DSCAM: variants seen among roughly 807,000 people sequenced by gnomAD.
The protein encoded by DSCAM is DS cell adhesion molecule.
A neutral mutation model predicts 217.7 loss-of-function variants in DSCAM; 47 were observed. The ratio of observed to expected loss-of-function variants is 0.22; its 90% CI spans 0.17 to 0.28. The LOEUF is 0.28. Ranked by LOEUF, DSCAM falls within the 10% of genes least tolerant of loss-of-function variation. The probability of loss-of-function intolerance (pLI) is 1.00; values close to 1 mark genes in which losing one functional copy is unlikely to be tolerated. For missense variants in DSCAM, 2,080 were observed against 2,618.3 expected (o/e 0.79, Z 4.49); for synonymous variants, 1,056 against 1,015.3 (o/e 1.04, Z -0.76).
chr21:40,780,443 A>ATATATATATATATC (rs1157668991), intron 1 of DSCAM, among the ~76,000 whole-genome samples: 1 of 143,544 alleles, frequency 7.0e-6, no homozygotes, highest in South Asian at 2.3e-4. Context: ...ATATATATAT[A>ATATATATATATATC]TATATCTCCT....
Position 40,347,657 on chromosome 21 carries a change from G to T in DSCAM, c.1210+13C>A, listed in dbSNP as rs1216101945. ...TTCTTTTTCAGCCATACCCTGAAAC[G>T]AGGCCCACTGACCTTCAAGGACCAC... On this transcript the variant is annotated intron_variant, in intron 6 of 32. Transcript: ENST00000400454. The T allele has an allele frequency of 6.2e-7, 1 of 1,612,866 alleles. No homozygotes were observed. Among genetic ancestry groups the T allele is most frequent in the Non-Finnish European group, 8.5e-7 (1 of 1,179,658 alleles).
intron 3 of DSCAM, among the ~76,000 whole-genome samples, chr21:40,393,440 A>G (rs578078477): frequency 1.1e-3 from 169 of 152,342 alleles, no homozygotes; most frequent in Non-Finnish European, 2.2e-3. Flanking sequence ...CTAGAAAGCC[A>G]CTTTACTAAA....
At chr21:40,286,586 TTTTA>T (rs1274443414) in intron 10 of DSCAM, among the ~76,000 whole-genome samples, 1 of 152,246 alleles carries the variant, frequency 6.6e-6, no homozygotes, top group Non-Finnish European at 1.5e-5. Flanking sequence ...CAAAAGAGAA[TTTTA>T]TTTAAGCAAA....
intron 4 of DSCAM, among the ~76,000 whole-genome samples, chr21:40,366,169 GT>G (rs1252829868): frequency 4.6e-5 from 7 of 152,188 alleles, no homozygotes; most frequent in Admixed American, 4.6e-4. Flanking sequence ...ATTTTAATAT[GT>G]AGTCATTATG....
intron 3 of DSCAM, among the ~76,000 whole-genome samples, chr21:40,536,860 C>T (rs749549225): frequency 9.2e-5 from 14 of 152,162 alleles, no homozygotes; most frequent in African/African-American, 3.1e-4. Context: ...TTAAAGCTCT[C>T]GAATTTTAAA....
intron 3 of DSCAM, among the ~76,000 whole-genome samples, chr21:40,524,292 C>T (rs931350817): frequency 6.6e-6 from 1 of 152,062 alleles, no homozygotes; most frequent in Non-Finnish European, 1.5e-5. Context: ...AACAGATTTT[C>T]CGAAACCTTT....
At chr21:40,371,024 A>G (rs1004722586) in intron 3 of DSCAM, among the ~76,000 whole-genome samples, 2 of 152,210 alleles carry the variant, frequency 1.3e-5, no homozygotes, top group African/African-American at 2.4e-5. Flanking sequence ...AAAATAACAG[A>G]GCAAATACTG....
Position 40,244,432 on chromosome 21 carries a change from C to T in DSCAM, c.2356+31665G>A, listed in dbSNP as rs1404208891. 2.8e-5 allele frequency among the ~76,000 whole-genome samples: 4 copies of T among 141,196 alleles called. No individual in the cohort carries two copies. The Admixed American group carries it at 3.0e-4, about 10-fold the overall frequency. 92.6% of individuals were successfully genotyped at this position (141,196 alleles called of 152,430 possible). A position where few individuals can be genotyped will look rare whatever the true frequency, so the allele number is the denominator to read the frequency against. Reference sequence around the variant, plus strand: ...TGCCACTGCACTCCAGCCTGGGTGACAGAATGAGACTCCGTCTCCGGAAAA... The same window carrying T: ...TGCCACTGCACTCCAGCCTGGGTGATAGAATGAGACTCCGTCTCCGGAAAA... On this transcript the variant is annotated intron_variant, in intron 11 of 32. Transcript: ENST00000400454.
Position 40,189,256 on chromosome 21 carries a change from A to G in DSCAM, c.2357-18T>C, listed in dbSNP as rs370726558. The G allele has an allele frequency of 1.9e-6, 3 of 1,540,488 alleles. No homozygotes were observed. In the African/African-American group the frequency reaches 4.1e-5, roughly 21 times the overall value. ...CGCAGGAACTGAAAAAGCAAAAGGGACACAACTTGTTCAGCAAAGCAGGGT... is the reference window on the plus strand; with the variant it reads ...CGCAGGAACTGAAAAAGCAAAAGGGGCACAACTTGTTCAGCAAAGCAGGGT... On this transcript the variant is annotated intron_variant, in intron 11 of 32. Coordinates refer to ENST00000400454, the MANE Select transcript of DSCAM (RefSeq NM_001389.5).
At chr21:40,550,252 C>T (rs2146154791) in intron 3 of DSCAM, among the ~76,000 whole-genome samples, 1 of 152,270 alleles carries the variant, frequency 6.6e-6, no homozygotes, top group Admixed American at 6.5e-5. Flanking sequence ...TAGTCGGGCG[C>T]AGTGGCTCAT....
intron 1 of DSCAM, among the ~76,000 whole-genome samples, chr21:40,717,637 A>G (rs532197028): frequency 2.6e-5 from 4 of 152,346 alleles, no homozygotes; most frequent in African/African-American, 9.6e-5. Flanking sequence ...AAAGTCGACT[A>G]GTGGCTTACT....
chr21:40,646,075 C>G (rs553048818), intron 3 of DSCAM, among the ~76,000 whole-genome samples: 2 of 151,998 alleles, frequency 1.3e-5, no homozygotes, highest in Non-Finnish European at 2.9e-5. Flanking sequence ...GGCTGTGAAA[C>G]TAGGATTGAA....
chr21:40,047,119 T>C (rs769230085), intron 30 of DSCAM, among the ~76,000 whole-genome samples: 1 of 152,242 alleles, frequency 6.6e-6, no homozygotes, highest in Non-Finnish European at 1.5e-5. Context: ...AGTTCTGTAC[T>C]GCGCTAGGCA....
intron 3 of DSCAM, among the ~76,000 whole-genome samples, chr21:40,502,389 C>T (rs777549786): frequency 1.3e-4 from 20 of 152,130 alleles, no homozygotes; most frequent in African/African-American, 4.1e-4. Flanking sequence ...TGTAACAAAT[C>T]GCCACAAACT....
Position 40,173,787 on chromosome 21 carries a change from G to GTGCCAGATTCATTGGAA in DSCAM, c.2947+5123_2947+5139dup, listed in dbSNP as rs1224318648. ...AAAGATGAGGCAAGGACTTAACTCA[G>GTGCCAGATTCATTGGAA]TGCCAGATTCATTGGAAACCCAGTG... On this transcript the variant is annotated intron_variant, in intron 15 of 32. Coordinates refer to ENST00000400454, the MANE Select transcript of DSCAM (RefSeq NM_001389.5). Among the ~76,000 whole-genome samples the GTGCCAGATTCATTGGAA allele has an allele frequency of 1.2e-4, 18 of 152,266 alleles. No homozygotes were observed. In the South Asian group the frequency reaches 1.5e-3, roughly 12 times the overall value.
At chr21:40,054,765 T>C (rs375331182) in intron 29 of DSCAM, among the ~76,000 whole-genome samples, 8 of 152,294 alleles carry the variant, frequency 5.3e-5, no homozygotes, top group East Asian at 1.9e-4. Context: ...CTAGCTGTCA[T>C]TGGAGACAGA....
chr21:40,846,751 C>T lies in DSCAM; in HGVS notation c.-90G>A. On this transcript the variant is annotated 5_prime_UTR_variant, in exon 1 of 33. Coordinates refer to ENST00000400454, the MANE Select transcript of DSCAM (RefSeq NM_001389.5). Reference sequence around the variant, plus strand: ...CCCGGCTCCGCTCGCCGCTCGGCACCTGCCCGGGGGCCGCCGCCCGCCCGC... The same window carrying T: ...CCCGGCTCCGCTCGCCGCTCGGCACTTGCCCGGGGGCCGCCGCCCGCCCGC... 1.7e-6 allele frequency: 1 copy of T among 589,580 alleles called. No individual in the cohort carries two copies. The highest frequency in any genetic ancestry group is 2.1e-6 in the Non-Finnish European group (1 of 466,496). 36.5% of individuals were successfully genotyped at this position (589,580 alleles called of 1,614,324 possible).
chr21:40,586,291 G>C (rs1457466580), intron 3 of DSCAM, among the ~76,000 whole-genome samples: 6 of 152,296 alleles, frequency 3.9e-5, no homozygotes, highest in Admixed American at 6.5e-5. Context: ...ACAACCTGCA[G>C]AACCATAAGC....
At chr21:40,226,072 G>A (rs1018239876) in intron 11 of DSCAM, among the ~76,000 whole-genome samples, 4 of 152,182 alleles carry the variant, frequency 2.6e-5, no homozygotes. Context: ...TCTATCCAAT[G>A]AGATGTGTTC....
Sources: gnomAD v4.1 joint callset for allele counts (sites outside exome capture counted in the v4.1 genomes callset) on GRCh38, gnomAD v4.1.1 for gene constraint, MANE v1.5 for transcripts, NCBI Gene and HGNC (gene_info 2026-07-23, HGNC 2026-07-21) for gene names.